The following TNKS variants were observed in gnomAD, a reference collection of about 807,000 sequenced individuals.
TNKS encodes poly [ADP-ribose] polymerase tankyrase-1.
A neutral mutation model predicts 135.8 loss-of-function variants in TNKS; 72 were observed. The ratio of observed to expected loss-of-function variants is 0.53; its 90% confidence interval spans 0.44 to 0.64. The LOEUF (loss-of-function observed/expected upper bound fraction) is 0.64, where lower values mean the gene tolerates loss of function less well. TNKS is among the 30% of genes least tolerant of loss of function. The probability of loss-of-function intolerance (pLI) is 0.00; values close to 1 mark genes in which losing one functional copy is unlikely to be tolerated. For synonymous variants in TNKS, 849 were observed against 649.3 expected (o/e 1.31, Z -4.68); for missense variants, 1,769 against 1,674.0 (o/e 1.06, Z -0.99).
At chr8:9,727,170 G>A (rs1158764150) in intron 13 of TNKS, among the ~76,000 whole-genome samples, 1 of 152,160 alleles carries the variant, frequency 6.6e-6, no homozygotes, top group Admixed American at 6.5e-5. Flanking sequence ...TTCTAGGAAA[G>A]CATTCCTGTG....
intron 2 of TNKS, among the ~76,000 whole-genome samples, chr8:9,581,612 T>C (rs1798169954): frequency 6.6e-6 from 1 of 152,236 alleles, no homozygotes; most frequent in Non-Finnish European, 1.5e-5. Flanking sequence ...TCTTCTAGGC[T>C]TTCATCTTCT....
At chr8:9,751,513 A>T in intron 18 of TNKS, 96 bp from the exon 19 acceptor site, 2 of 1,142,636 alleles carry the variant, frequency 1.8e-6, no homozygotes, top group Non-Finnish European at 1.3e-6. Flanking sequence ...GGCATTCATT[A>T]AGGAAAAAAT....
rs1194775811 is a variant in TNKS, at chr8:9,777,062, A to G, written c.*326A>G. On this transcript the variant is annotated 3_prime_UTR_variant, in exon 27 of 27. Transcript: ENST00000310430. ...AATAAGAAAACCAATGCTTTTTCAA[A>G]TGTTCACAATTCACACACTACATTT... 3.4e-6 allele frequency: 1 copy of G among 290,900 alleles called. No individual in the cohort carries two copies. The allele number at this position is 290,900 out of a possible 1,614,324, so 18.0% of individuals were successfully genotyped here.
intron 3 of TNKS, among the ~76,000 whole-genome samples, chr8:9,664,505 T>C (rs1801897056): frequency 6.6e-6 from 1 of 152,228 alleles, no homozygotes; most frequent in African/African-American, 2.4e-5. Context: ...GGCACAAACA[T>C]TCAAACTGTA....
intron 3 of TNKS, among the ~76,000 whole-genome samples, chr8:9,660,280 G>A (rs895441367): frequency 1.5e-4 from 23 of 152,076 alleles, no homozygotes; most frequent in African/African-American, 5.3e-4. Flanking sequence ...CAGAGACACA[G>A]CAGAAAAAGA....
chr8:9,746,751 A>G (rs981532421), intron 17 of TNKS, among the ~76,000 whole-genome samples: 4 of 152,056 alleles, frequency 2.6e-5, no homozygotes, highest in African/African-American at 9.7e-5. Flanking sequence ...TGAGTAAGTG[A>G]ATGATGCCCC....
intron 1 of TNKS, among the ~76,000 whole-genome samples, chr8:9,567,838 A>G (rs1323718936): frequency 6.6e-6 from 1 of 152,224 alleles, no homozygotes; most frequent in African/African-American, 2.4e-5. Flanking sequence ...ACTGAAACAT[A>G]TTGGAGTCAC....
rs192415222 is a variant in TNKS, at chr8:9,640,653, C to T, written c.994+24976C>T. 7.7e-4 allele frequency among the ~76,000 whole-genome samples: 113 copies of T among 145,882 alleles called. 9 individuals carry two copies. Among genetic ancestry groups the T allele is most frequent in the Middle Eastern group, 3.5e-3 (1 of 288 alleles). On this transcript the variant is annotated intron_variant, in intron 3 of 26. Coordinates refer to ENST00000310430, the MANE Select transcript of TNKS (RefSeq NM_003747.3). ...CTGAAGACAGGTTCATCATTTTTAT[C>T]AATTAAATTCCTTTTGAGAAAGAAA...
intron 12 of TNKS, among the ~76,000 whole-genome samples, chr8:9,725,897 G>A (rs4841204): frequency 0.59 from 89,512 of 151,952 alleles, 26,692 homozygotes; most frequent in Middle Eastern, 0.71. Flanking sequence ...TTAGCCTCTA[G>A]ACCTAACAGC....
In TNKS at chr8:9,770,273, C is replaced by A. The variant is rs1807744472; in HGVS notation, c.3897+11C>A. On this transcript the variant is annotated intron_variant, in intron 26 of 26. Coordinates refer to ENST00000310430, the MANE Select transcript of TNKS (RefSeq NM_003747.3). Reference sequence around the variant, plus strand: ...TACAGAGGAGAACAGGTATGTTACTCATCAAACAAGCATAACCAAGTTCAC... The same window carrying A: ...TACAGAGGAGAACAGGTATGTTACTAATCAAACAAGCATAACCAAGTTCAC... 1 of 1,601,126 alleles carries A rather than the reference C, an allele frequency of 6.2e-7. No homozygotes were observed. Among genetic ancestry groups the A allele is most frequent in the South Asian group, 1.1e-5 (1 of 90,142 alleles).
At chr8:9,729,908 C>G (rs1395593508) in intron 13 of TNKS, among the ~76,000 whole-genome samples, 2 of 150,852 alleles carry the variant, frequency 1.3e-5, no homozygotes, top group African/African-American at 2.4e-5. Context: ...CAGCGAGTAG[C>G]TGGGACTACA....
intron 17 of TNKS, chr8:9,741,249 A>G (rs1182230301): frequency 6.5e-6 from 1 of 153,096 alleles, no homozygotes; most frequent in Non-Finnish European, 1.5e-5. Context: ...TTAAGGGTTT[A>G]TAAAGCCAAT....
intron 24 of TNKS, 114 bp downstream of exon 24, chr8:9,765,911 T>C: frequency 1.2e-6 from 1 of 829,300 alleles, no homozygotes; most frequent in Non-Finnish European, 1.9e-6. Flanking sequence ...ACGGCTTGTT[T>C]TGATTATTTT....
intron 3 of TNKS, among the ~76,000 whole-genome samples, chr8:9,676,556 C>T (rs1343805362): frequency 6.6e-6 from 1 of 151,864 alleles, no homozygotes; most frequent in Non-Finnish European, 1.5e-5. Flanking sequence ...GTAATTTTGC[C>T]TTTACACTAA....
intron 17 of TNKS, among the ~76,000 whole-genome samples, chr8:9,747,601 G>A (rs1300668568): frequency 1.3e-5 from 2 of 152,230 alleles, no homozygotes; most frequent in African/African-American, 4.8e-5. Flanking sequence ...AAAGAAATGG[G>A]AAGATAAGAG....
chr8:9,634,658 T>C (rs145785302), intron 3 of TNKS, among the ~76,000 whole-genome samples: 120 of 152,290 alleles, frequency 7.9e-4, no homozygotes, highest in African/African-American at 2.7e-3. Context: ...GGATTGAAGT[T>C]GTAGGCATCA....
rs199699778 is a variant in TNKS at position 9,556,373 on chromosome 8, C to T, written c.434C>T (p.Ser145Phe). The T allele has an allele frequency of 5.6e-6, 9 of 1,614,236 alleles. No homozygotes were observed. The Admixed American group carries it at 1.2e-4, about 21-fold the overall frequency. The change falls in exon 1 of 27, where the codon TCC becomes TTC. Residue 145 changes from serine (S) to phenylalanine (F), a missense_variant. Ser to Phe is a radical substitution (Grantham distance 155, BLOSUM62 -2). Around this residue, in one of 5 missense-constraint regions of TNKS, gnomAD observed 450 missense variants for 304.9 expected, o/e 1.48. Transcript: ENST00000310430. ...PTSSSSSSPS[S>F]PGSSLAESPE... ...TCTTCCTCATCTTCCTCTCCATCCT[C>T]CCCTGGATCGAGCTTGGCGGAGAGC...
chr8:9,650,125 C>T (rs537516257), intron 3 of TNKS, among the ~76,000 whole-genome samples: 61 of 152,128 alleles, frequency 4.0e-4, no homozygotes, highest in African/African-American at 1.3e-3. Context: ...TTCCTGACCT[C>T]AGGTGATCCA....
chr8:9,688,872 C>G (rs966316371), intron 5 of TNKS, among the ~76,000 whole-genome samples: 1 of 152,168 alleles, frequency 6.6e-6, no homozygotes, highest in African/African-American at 2.4e-5. Flanking sequence ...AAGTCCTGAC[C>G]TCAGGTGATC....
Sources: gnomAD v4.1 joint callset for allele counts (sites outside exome capture counted in the v4.1 genomes callset) on GRCh38, gnomAD v4.1.1 for gene constraint, gnomAD v4.1.1 regional missense constraint, MANE v1.5 for transcripts, NCBI Gene and HGNC (gene_info 2026-07-23, HGNC 2026-07-21) for gene names.